Variants in LHFPL3 observed in about 807,000 individuals in gnomAD.
The protein encoded by LHFPL3 is LHFPL tetraspan subfamily member 3 protein.
A neutral mutation model predicts 19.3 loss-of-function variants in LHFPL3; 5 were observed. The observed-to-expected ratio is 0.26, with a 90% CI of 0.14 to 0.54. The LOEUF (loss-of-function observed/expected upper bound fraction) is 0.54. LHFPL3 is among the 20% of genes least tolerant of loss of function. The probability of loss-of-function intolerance (pLI) is 0.94; values close to 1 mark genes in which losing one functional copy is unlikely to be tolerated. For synonymous variants in LHFPL3, 133 were observed against 126.2 expected, an observed-to-expected ratio of 1.05 and a Z score of -0.36; for missense variants, 249 against 307.4, an observed-to-expected ratio of 0.81 and a Z score of 1.42.
intron 1 of LHFPL3, among the ~76,000 whole-genome samples, chr7:104,381,508 C>A (rs1284249569): frequency 6.6e-6 from 1 of 151,904 alleles, no homozygotes; most frequent in Non-Finnish European, 1.5e-5. Flanking sequence ...TCTTCAGATT[C>A]TTTCCTTCCT....
chr7:104,673,976 G>GTCTGTAGGACTA (rs141990408), intron 1 of LHFPL3, among the ~76,000 whole-genome samples: 6,077 of 151,948 alleles, frequency 0.04, 145 homozygotes, highest in African/African-American at 0.055. Context: ...TGGAAAGAAT[G>GTCTGTAGGACTA]TTCAGACCCT....
intron 1 of LHFPL3, among the ~76,000 whole-genome samples, chr7:104,496,235 T>C (rs1171063919): frequency 6.6e-6 from 1 of 152,218 alleles, no homozygotes; most frequent in Non-Finnish European, 1.5e-5. Flanking sequence ...TTTTTTGTCC[T>C]TGCGATAGTT....
At chr7:104,464,996 T>C (rs1300865624) in intron 1 of LHFPL3, among the ~76,000 whole-genome samples, 1 of 152,192 alleles carries the variant, frequency 6.6e-6, no homozygotes, top group East Asian at 1.9e-4. Flanking sequence ...TCCTCTTAAA[T>C]GCTTTGCTAC....
intron 1 of LHFPL3, among the ~76,000 whole-genome samples, chr7:104,539,911 T>C (rs1794453673): frequency 6.6e-6 from 1 of 152,104 alleles, no homozygotes; most frequent in Non-Finnish European, 1.5e-5. Flanking sequence ...CCTATATTGG[T>C]TTTCTTTGTG....
intron 1 of LHFPL3, among the ~76,000 whole-genome samples, chr7:104,637,119 T>A (rs1791742799): frequency 6.6e-6 from 1 of 152,204 alleles, no homozygotes; most frequent in Non-Finnish European, 1.5e-5. Context: ...TAGTTGGCAT[T>A]TCTCTAATGA....
chr7:104,330,697 G>C (rs948059275), intron 1 of LHFPL3, among the ~76,000 whole-genome samples: 3 of 152,172 alleles, frequency 2.0e-5, no homozygotes, highest in South Asian at 4.2e-4. Context: ...TCTCCTGAAC[G>C]GGGAGTTCTG....
intron 1 of LHFPL3, among the ~76,000 whole-genome samples, chr7:104,423,747 G>A (rs1013527121): frequency 3.3e-5 from 5 of 151,450 alleles, no homozygotes; most frequent in Admixed American, 6.6e-5. Context: ...AAAAGAACTA[G>A]CAGCAGTCCA....
intron 1 of LHFPL3, among the ~76,000 whole-genome samples, chr7:104,486,757 TCTG>T (rs1453890812): frequency 6.6e-6 from 1 of 152,200 alleles, no homozygotes; most frequent in Non-Finnish European, 1.5e-5. Flanking sequence ...GCTATTTATG[TCTG>T]CTTTTATTTT....
intron 1 of LHFPL3, among the ~76,000 whole-genome samples, chr7:104,349,698 G>A (rs1411766491): frequency 6.6e-6 from 1 of 152,176 alleles, no homozygotes; most frequent in Non-Finnish European, 1.5e-5. Flanking sequence ...TTCTGCACAT[G>A]TATCCCCGAA....
intron 2 of LHFPL3, among the ~76,000 whole-genome samples, chr7:104,828,686 A>T (rs1223762366): frequency 6.6e-6 from 1 of 151,908 alleles, no homozygotes; most frequent in Non-Finnish European, 1.5e-5. Context: ...AGAGTAGCTG[A>T]ATAGGTCAGC....
intron 1 of LHFPL3, among the ~76,000 whole-genome samples, chr7:104,513,303 C>T (rs1037774444): frequency 2.0e-5 from 3 of 152,140 alleles, no homozygotes; most frequent in Admixed American, 1.3e-4. Context: ...GCCCATATGA[C>T]TTACTTGTGC....
chr7:104,684,356 T>G (rs773050712), intron 1 of LHFPL3, among the ~76,000 whole-genome samples: 2 of 152,252 alleles, frequency 1.3e-5, no homozygotes, highest in African/African-American at 2.4e-5. Flanking sequence ...AAGGGCCAGA[T>G]AGTAAATATT....
chr7:104,372,768 G>T (rs992635853), intron 1 of LHFPL3, among the ~76,000 whole-genome samples: 6 of 152,120 alleles, frequency 3.9e-5, no homozygotes, highest in Non-Finnish European at 5.9e-5. Flanking sequence ...ATCCTTGTAT[G>T]GTGATTTGTA....
chr7:104,624,803 C>T (rs1791513192), intron 1 of LHFPL3, among the ~76,000 whole-genome samples: 2 of 152,096 alleles, frequency 1.3e-5, no homozygotes, highest in Non-Finnish European at 1.5e-5. Context: ...TTTCTTCTTT[C>T]TCTAGTGGAA....
At chr7:104,637,882 T>G (rs1468273065) in intron 1 of LHFPL3, among the ~76,000 whole-genome samples, 1 of 151,386 alleles carries the variant, frequency 6.6e-6, no homozygotes, top group Admixed American at 6.6e-5. Flanking sequence ...TCTGGCTCCT[T>G]TGGATTCCAT....
At chr7:104,719,516 T>A (rs1417931800) in intron 1 of LHFPL3, among the ~76,000 whole-genome samples, 1 of 152,212 alleles carries the variant, frequency 6.6e-6, no homozygotes, top group Non-Finnish European at 1.5e-5. Flanking sequence ...TTCCACACAT[T>A]TAGCATTTAT....
intron 1 of LHFPL3, among the ~76,000 whole-genome samples, chr7:104,342,322 A>G (rs901027872): frequency 4.6e-5 from 7 of 152,150 alleles, no homozygotes; most frequent in Admixed American, 4.6e-4. Context: ...GTAGGGTTGG[A>G]AATCCCATTT....
chr7:104,880,277 C>G (rs762952818), intron 2 of LHFPL3, among the ~76,000 whole-genome samples: 1 of 151,276 alleles, frequency 6.6e-6, no homozygotes, highest in Admixed American at 6.6e-5. Flanking sequence ...GCACTTCCCC[C>G]CTCCCTCTCT....
chr7:104,373,861 T>G (rs1790657253), intron 1 of LHFPL3, among the ~76,000 whole-genome samples: 1 of 152,216 alleles, frequency 6.6e-6, no homozygotes, highest in Non-Finnish European at 1.5e-5. Flanking sequence ...TCTTTACAGA[T>G]GCTGATTTTC....
Sources: gnomAD v4.1 joint callset for allele counts (sites outside exome capture counted in the v4.1 genomes callset) on GRCh38, gnomAD v4.1.1 for gene constraint, MANE v1.5 for transcripts, NCBI Gene and HGNC (gene_info 2026-07-23, HGNC 2026-07-21) for gene names.